The following SNTG1 variants were observed in gnomAD, a reference collection of about 807,000 sequenced individuals.
The protein encoded by SNTG1 is syntrophin gamma 1.
Under a neutral mutation model 74.7 loss-of-function variants are expected in SNTG1, and 39 were observed. The ratio of observed to expected loss-of-function variants is 0.52; its 90% CI spans 0.40 to 0.68. The LOEUF is 0.68. SNTG1 is among the 30% of genes least tolerant of loss of function. The probability of loss-of-function intolerance (pLI) is 0.00; values close to 1 mark genes in which losing one functional copy is unlikely to be tolerated. For synonymous variants in SNTG1, 254 were observed against 217.1 expected, an observed-to-expected ratio of 1.17 and a Z score of -1.49; for missense variants, 685 against 609.5, an observed-to-expected ratio of 1.12 and a Z score of -1.30.
intron 2 of SNTG1, among the ~76,000 whole-genome samples, chr8:50,306,291 A>G (rs189732090): frequency 1.3e-5 from 2 of 151,860 alleles, no homozygotes; most frequent in Admixed American, 1.3e-4. Context: ...TTATTCATTC[A>G]TTGATTGATG....
chr8:50,588,931 ATAT>A (rs990705040), intron 12 of SNTG1, among the ~76,000 whole-genome samples: 6 of 151,992 alleles, frequency 3.9e-5, no homozygotes, highest in East Asian at 1.9e-4. Context: ...TAGTTTTTAC[ATAT>A]TATTATTATT....
chr8:50,649,575 T>A (rs919361221), intron 13 of SNTG1, among the ~76,000 whole-genome samples: 1 of 152,158 alleles, frequency 6.6e-6, no homozygotes, highest in Non-Finnish European at 1.5e-5. Flanking sequence ...CCAAAATTTA[T>A]CTCTTTCTGT....
chr8:50,531,055 T>C (rs773261972), intron 10 of SNTG1, among the ~76,000 whole-genome samples: 17 of 152,192 alleles, frequency 1.1e-4, no homozygotes, highest in Non-Finnish European at 1.9e-4. Context: ...TTCAACCGAC[T>C]GGTATGATTC....
chr8:50,350,228 G>A (rs367652900), intron 2 of SNTG1, among the ~76,000 whole-genome samples: 47 of 152,198 alleles, frequency 3.1e-4, no homozygotes, highest in East Asian at 2.7e-3. Context: ...TGTGCAGCCC[G>A]AGCCTCCCTG....
chr8:50,695,226 C>G (rs979806245), intron 15 of SNTG1, among the ~76,000 whole-genome samples: 20 of 150,884 alleles, frequency 1.3e-4, no homozygotes, highest in Non-Finnish European at 3.0e-4. Context: ...CAAAAAAAAC[C>G]GTTAAAAATA....
At position 50,356,455 on chromosome 8, in the gene SNTG1, T is replaced by C. The variant is rs142921697; in HGVS notation, c.-27-37757T>C. Among the ~76,000 whole-genome samples, 440 of 152,324 alleles carry C rather than the reference T, an allele frequency of 2.9e-3. 3 individuals are homozygous for C. The highest frequency in any genetic ancestry group is 0.01 in the African/African-American group (421 of 41,568). On this transcript the variant is annotated intron_variant, in intron 2 of 18. Coordinates refer to ENST00000642720, the MANE Select transcript of SNTG1 (RefSeq NM_018967.5). ...TTGAGCAAATGCTCTATACTCTTTGTCTTAGTCCATTTGTGCTGCTATAAC... is the reference window on the plus strand; with the variant it reads ...TTGAGCAAATGCTCTATACTCTTTGCCTTAGTCCATTTGTGCTGCTATAAC...
At chr8:50,704,428 T>C in intron 15 of SNTG1, 172 bp from the exon 16 acceptor site, 1 of 748,258 alleles carries the variant, frequency 1.3e-6, no homozygotes, top group Non-Finnish European at 2.3e-6. Context: ...AGAAGTCATG[T>C]GTTGGGGCTT....
In SNTG1 at chr8:50,123,281, A is replaced by G. The variant is rs1033469804; in HGVS notation, c.-102-49280A>G. Among the ~76,000 whole-genome samples the G allele has an allele frequency of 2.8e-5, 4 of 143,010 alleles. 1 individual carries two copies. Among genetic ancestry groups the G allele is most frequent in the African/African-American group, 1.0e-4 (4 of 39,532 alleles). 93.8% of individuals were successfully genotyped at this position (143,010 alleles called of 152,430 possible). A position where few individuals can be genotyped will look rare whatever the true frequency, so the allele number is the denominator to read the frequency against. On this transcript the variant is annotated intron_variant, in intron 1 of 18. Transcript: ENST00000642720. ...CACAATTACATCGGTGCATAAAAGC[A>G]TAGATATTTAAACTGCCAGACAGTT...
chr8:49,939,069 C>T lies in SNTG1; in HGVS notation c.-103+26838C>T, dbSNP rs576945928. On this transcript the variant is annotated intron_variant, in intron 1 of 18. Coordinates refer to ENST00000642720, the MANE Select transcript of SNTG1 (RefSeq NM_018967.5). The stretch of plus-strand genomic sequence containing the variant: ...TTCACTGATTAACTTATGAGTGTGC[C>T]GATTCAAAATGTTTTCACATTTTAA... Among the ~76,000 whole-genome samples the T allele has an allele frequency of 6.6e-5, 10 of 152,120 alleles. No homozygotes were observed. The South Asian group carries it at 1.9e-3, about 28-fold the overall frequency.
chr8:50,451,856 A>G (rs1049567553), intron 8 of SNTG1, among the ~76,000 whole-genome samples: 1 of 152,194 alleles, frequency 6.6e-6, no homozygotes, highest in African/African-American at 2.4e-5. Context: ...ATATCATTCA[A>G]AAACCTCACT....
intron 2 of SNTG1, among the ~76,000 whole-genome samples, chr8:50,190,114 T>C (rs1563717990): frequency 6.6e-6 from 1 of 152,154 alleles, no homozygotes; most frequent in Non-Finnish European, 1.5e-5. Context: ...TACTAGGTTA[T>C]CTACTAGGCA....
rs1388250618 is a variant in SNTG1 at position 49,957,046 on chromosome 8, G to T, written c.-103+44815G>T. ...TTTGGTTAAAGGGTATGAAATTTTA[G>T]TTACAAGATGAGTAAGTTAATTCAG... On this transcript the variant is annotated intron_variant, in intron 1 of 18. Transcript: ENST00000642720. 2.6e-5 allele frequency among the ~76,000 whole-genome samples: 4 copies of T among 152,174 alleles called. No homozygotes were observed. In the East Asian group the frequency reaches 7.7e-4, roughly 29 times the overall value.
At chr8:50,085,922 A>G (rs1822841876) in intron 1 of SNTG1, among the ~76,000 whole-genome samples, 2 of 152,074 alleles carry the variant, frequency 1.3e-5, no homozygotes, top group South Asian at 4.1e-4. Flanking sequence ...GGTATCTTTT[A>G]TAGGTTCCAC....
chr8:50,062,399 T>C (rs1011179032), intron 1 of SNTG1, among the ~76,000 whole-genome samples: 1 of 152,084 alleles, frequency 6.6e-6, no homozygotes, highest in Non-Finnish European at 1.5e-5. Context: ...TTTTTTCAAC[T>C]CTTATCAGTT....
chr8:50,006,506 G>T lies in SNTG1; in HGVS notation c.-103+94275G>T, dbSNP rs77798088. Among the ~76,000 whole-genome samples, 1,228 of 152,138 alleles carry T rather than the reference G, an allele frequency of 8.1e-3. 23 individuals are homozygous for T. Among genetic ancestry groups the T allele is most frequent in the African/African-American group, 0.028 (1,154 of 41,494 alleles). On this transcript the variant is annotated intron_variant, in intron 1 of 18. Coordinates refer to ENST00000642720, the MANE Select transcript of SNTG1 (RefSeq NM_018967.5). ...CTTTTTAATTGTGTTCTGCCTTTTG[G>T]CTTATTATGTTTCAAGGCTGGGTAC...
intron 1 of SNTG1, among the ~76,000 whole-genome samples, chr8:50,103,852 C>A (rs2080253577): frequency 1.3e-5 from 2 of 152,092 alleles, no homozygotes; most frequent in South Asian, 2.1e-4. Context: ...TGTTTATATG[C>A]TGGATTACAT....
intron 1 of SNTG1, among the ~76,000 whole-genome samples, chr8:50,002,713 C>A (rs992774669): frequency 6.6e-6 from 1 of 151,946 alleles, no homozygotes; most frequent in Admixed American, 6.6e-5. Flanking sequence ...ATAAAAGTTA[C>A]CCTATGATGA....
chr8:50,473,886 T>C (rs1305448528), intron 8 of SNTG1, among the ~76,000 whole-genome samples: 1 of 151,760 alleles, frequency 6.6e-6, no homozygotes, highest in African/African-American at 2.4e-5. Flanking sequence ...AAGCAGAAAA[T>C]AGAATAGTGT....
chr8:50,016,684 C>A (rs1484573774), intron 1 of SNTG1, among the ~76,000 whole-genome samples: 1 of 152,086 alleles, frequency 6.6e-6, no homozygotes, highest in South Asian at 2.1e-4. Flanking sequence ...CTTGAATTTG[C>A]TTTTTGTCTA....
Sources: allele counts gnomAD v4.1 joint callset (sites outside exome capture counted in the v4.1 genomes callset), GRCh38; gene constraint gnomAD v4.1.1; transcripts MANE v1.5; gene names NCBI Gene and HGNC (gene_info 2026-07-23, HGNC 2026-07-21).